ERI1: variants seen among roughly 807,000 people sequenced by gnomAD.
ERI1 encodes the protein 3'-5' exoribonuclease 1.
ERI1 carries 39 observed loss-of-function variants against 39.7 expected under a neutral mutation model. The ratio of observed to expected loss-of-function variants is 0.98; its 90% confidence interval spans 0.76 to 1.28. The LOEUF is 1.28. Ranked by LOEUF, ERI1 falls within the 50% of genes most tolerant of loss-of-function variation. ERI1 has a pLI of 0.00. For synonymous variants in ERI1, 204 were observed against 149.6 expected, an observed-to-expected ratio of 1.36 and a Z score of -2.65; for missense variants, 581 against 416.9, an observed-to-expected ratio of 1.39 and a Z score of -3.43.
chr8:9,071,267 C>G (rs1799041140), intron 3 of ERI1, among the ~76,000 whole-genome samples: 1 of 152,204 alleles, frequency 6.6e-6, no homozygotes, highest in Admixed American at 6.5e-5. Context: ...GTTAACTTGA[C>G]AAAGCCATTT....
rs539616790 is a variant in ERI1, at chr8:9,018,838, C to G, written c.692+432C>G. 1.4e-4 allele frequency among the ~76,000 whole-genome samples: 21 copies of G among 152,288 alleles called. No homozygotes were observed. The South Asian group carries it at 4.1e-3, about 30-fold the overall frequency. On this transcript the variant is annotated intron_variant, in intron 5 of 6. Coordinates refer to ENST00000250263, the MANE Select transcript of ERI1 (RefSeq NM_153332.4). ...TTTCTCTGTGTAGTTACTTATGCCT[C>G]CCTCTGTACTGAGAGTGTCTTCTCG...
intron 3 of ERI1, among the ~76,000 whole-genome samples, chr8:9,069,846 CTGAG>C (rs1798993605): frequency 6.6e-6 from 1 of 152,060 alleles, no homozygotes; most frequent in African/African-American, 2.4e-5. Context: ...TATTTCCTCC[CTGAG>C]TATTTTAACT....
Position 9,011,746 on chromosome 8 carries a change from A to G in ERI1, c.492A>G (p.Leu164=). 6.3e-7 allele frequency: 1 copy of G among 1,590,972 alleles called. No homozygotes were observed. Among genetic ancestry groups the G allele is most frequent in the East Asian group, 2.2e-5 (1 of 44,750 alleles). Residue 164 remains leucine, a synonymous_variant, in exon 3 of 7, where the codon TTA becomes TTG. Transcript: ENST00000250263. ...FPVVLLNTHT[L]EIEDTFQQYV... ...TTGTTTTACTGAATACGCATACTTTAGAAATAGTAAGTGAATTTTTGTATT... is the reference window on the plus strand; with the variant it reads ...TTGTTTTACTGAATACGCATACTTTGGAAATAGTAAGTGAATTTTTGTATT...
rs765454201 is a variant in ERI1, at chr8:9,031,704, C to G, written c.*1670C>G. On this transcript the variant is annotated 3_prime_UTR_variant, in exon 7 of 7. Transcript: ENST00000250263. ...CACTTTCGCCAAGTACCAACAAGCTCATGTTGTATTTCTTTTTAAGAACTT... is the reference window on the plus strand; with the variant it reads ...CACTTTCGCCAAGTACCAACAAGCTGATGTTGTATTTCTTTTTAAGAACTT... 12 of 152,184 alleles carry G rather than the reference C, an allele frequency of 7.9e-5. No individual in the cohort carries two copies. The highest frequency in any genetic ancestry group is 1.3e-4 in the Non-Finnish European group (9 of 68,036). The allele number at this position is 152,184 out of a possible 1,614,324, so 9.4% of individuals were successfully genotyped here. A position where few individuals can be genotyped will look rare whatever the true frequency, so the allele number is the denominator to read the frequency against.
chr8:9,083,768 A>G (rs1297126889), intron 3 of ERI1, among the ~76,000 whole-genome samples: 1 of 151,998 alleles, frequency 6.6e-6, no homozygotes, highest in Non-Finnish European at 1.5e-5. Flanking sequence ...AGCCAGGACA[A>G]CAAAGCAAGA....
chr8:9,092,232 C>G (rs545960298), intron 3 of ERI1, among the ~76,000 whole-genome samples: 3 of 152,330 alleles, frequency 2.0e-5, no homozygotes, highest in Non-Finnish European at 2.9e-5. Context: ...GCTGAGATTA[C>G]AGGCCTGAAC....
At chr8:9,067,959 C>T (rs567761016) in intron 3 of ERI1, among the ~76,000 whole-genome samples, 25 of 151,970 alleles carry the variant, frequency 1.6e-4, no homozygotes, top group African/African-American at 5.6e-4. Flanking sequence ...TGTATATACA[C>T]ACACAAATAT....
intron 3 of ERI1, among the ~76,000 whole-genome samples, chr8:9,067,923 T>TAGAC: frequency 6.7e-6 from 1 of 149,834 alleles, no homozygotes; most frequent in African/African-American, 2.4e-5. Context: ...ATGCTACAAA[T>TAGAC]ACACACACAC....
intron 4 of ERI1, 92 bp from the exon 5 acceptor site, chr8:9,018,205 G>A: frequency 1.6e-6 from 1 of 640,478 alleles, no homozygotes; most frequent in South Asian, 2.3e-5. Context: ...TTCTCATACT[G>A]TTTCTTCCCC....
intron 3 of ERI1, chr8:9,062,931 C>A (rs1798754032): frequency 6.6e-6 from 1 of 152,122 alleles, no homozygotes; most frequent in Non-Finnish European, 1.5e-5. Flanking sequence ...TCTGGAGGAA[C>A]CCCTGGCAGC....
intron 3 of ERI1, among the ~76,000 whole-genome samples, chr8:9,082,886 T>C (rs1799412818): frequency 1.3e-5 from 2 of 152,116 alleles, no homozygotes; most frequent in Non-Finnish European, 2.9e-5. Flanking sequence ...TGGAGAAAAG[T>C]GGGGATGATG....
intron 6 of ERI1, among the ~76,000 whole-genome samples, chr8:9,023,975 A>G (rs548350559): frequency 2.0e-5 from 3 of 150,688 alleles, no homozygotes; most frequent in Admixed American, 6.6e-5. Flanking sequence ...ATTTTTTTGT[A>G]TTTTTTAGTA....
At chr8:9,037,615 T>C (rs1159116994), downstream of ERI1, among the ~76,000 whole-genome samples, 2 of 152,098 alleles carry the variant, frequency 1.3e-5, no homozygotes, top group African/African-American at 4.8e-5. Flanking sequence ...TTAGTGATGG[T>C]AAAATGTATC....
chr8:9,021,015 C>A (rs1173262838), intron 6 of ERI1, among the ~76,000 whole-genome samples: 2 of 151,944 alleles, frequency 1.3e-5, no homozygotes, highest in Non-Finnish European at 2.9e-5. Context: ...TATTGAATTC[C>A]TGCCCTGAAA....
At chr8:9,079,571 G>T (rs977792032) in intron 3 of ERI1, among the ~76,000 whole-genome samples, 1 of 152,198 alleles carries the variant, frequency 6.6e-6, no homozygotes. Context: ...AGAAGCTGAG[G>T]CCTAAAATAT....
At chr8:9,062,763 G>C (rs58227173) in intron 3 of ERI1, 4 of 151,406 alleles carry the variant, frequency 2.6e-5, no homozygotes, top group South Asian at 4.2e-4. Context: ...AGAGTTCCAG[G>C]GGCTCTGGGA....
chr8:9,040,729 T>TGTGTG (rs1354786712), intron 3 of ERI1, among the ~76,000 whole-genome samples: 1 of 148,532 alleles, frequency 6.7e-6, no homozygotes, highest in African/African-American at 2.5e-5. Flanking sequence ...AGTGTGTGTG[T>TGTGTG]GGGGGGGGGG....
intron 1 of ERI1, 41 bp downstream of exon 1, chr8:9,003,212 C>A: frequency 8.4e-7 from 1 of 1,195,650 alleles, no homozygotes; most frequent in Non-Finnish European, 1.0e-6. Flanking sequence ...CGCCAGCTGC[C>A]CCGTCCCCAA....
At chr8:9,042,867 G>C (rs894980239) in intron 3 of ERI1, among the ~76,000 whole-genome samples, 2 of 152,194 alleles carry the variant, frequency 1.3e-5, no homozygotes, top group African/African-American at 4.8e-5. Context: ...TAGCATTTCA[G>C]AGAAGGGATG....
Sources: gnomAD v4.1 joint callset for allele counts (sites outside exome capture counted in the v4.1 genomes callset) on GRCh38, gnomAD v4.1.1 for gene constraint, MANE v1.5 for transcripts, NCBI Gene and HGNC (gene_info 2026-07-23, HGNC 2026-07-21) for gene names.